Variants in ADAMTSL3 observed in about 807,000 individuals in gnomAD.
ADAMTSL3 encodes the protein ADAMTS-like protein 3.
ADAMTSL3 carries 128 observed loss-of-function variants against 201.7 expected under a neutral mutation model. The observed-to-expected ratio is 0.63, with a 90% CI of 0.55 to 0.73. The LOEUF is 0.73. Ranked by LOEUF, ADAMTSL3 falls within the 30% of genes least tolerant of loss-of-function variation. The pLI is 0.00. For missense variants in ADAMTSL3, 1,990 were observed against 2,119.6 expected, an observed-to-expected ratio of 0.94 and a Z score of 1.20; for synonymous variants, 738 against 748.4, an observed-to-expected ratio of 0.99 and a Z score of 0.23.
intron 19 of ADAMTSL3, among the ~76,000 whole-genome samples, chr15:83,965,724 A>G (rs1048528981): frequency 2.0e-4 from 30 of 152,236 alleles, no homozygotes; most frequent in African/African-American, 7.2e-4. Context: ...AATCAACAGA[A>G]TATACATTCT....
At chr15:83,852,987 G>A (rs542272885) in intron 7 of ADAMTSL3, among the ~76,000 whole-genome samples, 14 of 152,248 alleles carry the variant, frequency 9.2e-5, no homozygotes, top group African/African-American at 2.4e-4. Flanking sequence ...CTCCTGAGTA[G>A]CTGGGATTAC....
chr15:84,015,896 CT>C lies in ADAMTSL3; in HGVS notation c.4157-484del, dbSNP rs766089644. On this transcript the variant is annotated intron_variant, in intron 24 of 29. Transcript: ENST00000286744. ...TCCCCTCAAGCCAAGCAGCTCATGA[CT>C]TTGGTAACTTGATGGAGAGGTCAAA... Among the ~76,000 whole-genome samples, 3 of 152,198 alleles carry C rather than the reference CT, an allele frequency of 2.0e-5. No homozygotes were observed. The South Asian group carries it at 6.2e-4, about 31-fold the overall frequency.
At chr15:83,790,283 A>G (rs534600298) in intron 4 of ADAMTSL3, among the ~76,000 whole-genome samples, 148 of 148,598 alleles carry the variant, frequency 1.0e-3, no homozygotes, top group African/African-American at 3.6e-3. Context: ...TATATAAAGA[A>G]GAAAACAACA....
chr15:83,790,746 G>T (rs546207482), intron 4 of ADAMTSL3, among the ~76,000 whole-genome samples: 5 of 152,100 alleles, frequency 3.3e-5, no homozygotes, highest in Admixed American at 6.5e-5. Context: ...TTTTGTCTAC[G>T]TAGAAAATCC....
At chr15:84,021,313 C>A (rs1163306943) in intron 25 of ADAMTSL3, 97 bp from the exon 26 acceptor site, 1 of 1,391,900 alleles carries the variant, frequency 7.2e-7, no homozygotes, top group Non-Finnish European at 1.0e-6. Flanking sequence ...ACTTAAAGAA[C>A]CAAAAAACAT....
intron 28 of ADAMTSL3, among the ~76,000 whole-genome samples, chr15:84,035,766 G>C (rs747868890): frequency 2.0e-5 from 3 of 152,344 alleles, no homozygotes; most frequent in African/African-American, 4.8e-5. Context: ...AGGGAGAACA[G>C]GGAGCATGCA....
intron 2 of ADAMTSL3, among the ~76,000 whole-genome samples, chr15:83,662,968 C>T (rs757489578): frequency 1.3e-5 from 2 of 152,182 alleles, no homozygotes; most frequent in Non-Finnish European, 2.9e-5. Flanking sequence ...CCACAGGACA[C>T]TTCCTGCAGC....
At chr15:83,752,633 A>T (rs962717522) in intron 3 of ADAMTSL3, among the ~76,000 whole-genome samples, 11 of 152,204 alleles carry the variant, frequency 7.2e-5, no homozygotes, top group Admixed American at 7.2e-4. Context: ...GAAATTTCCT[A>T]TATTTGCAAT....
chr15:83,944,680 C>T (rs2066622536), intron 19 of ADAMTSL3, among the ~76,000 whole-genome samples: 1 of 152,176 alleles, frequency 6.6e-6, no homozygotes, highest in Non-Finnish European at 1.5e-5. Context: ...AATTATTACA[C>T]ATGTATACAC....
At chr15:83,985,970 T>C (rs1270621637) in intron 21 of ADAMTSL3, among the ~76,000 whole-genome samples, 4 of 152,062 alleles carry the variant, frequency 2.6e-5, no homozygotes, top group Non-Finnish European at 4.4e-5. Context: ...TTTTTTTTTT[T>C]CTGCAAGTAA....
chr15:83,670,458 G>A (rs1295157390), intron 2 of ADAMTSL3, among the ~76,000 whole-genome samples: 1 of 151,768 alleles, frequency 6.6e-6, no homozygotes, highest in African/African-American at 2.4e-5. Context: ...TTTTGACTGT[G>A]ACTCACAGGA....
intron 17 of ADAMTSL3, among the ~76,000 whole-genome samples, chr15:83,939,892 G>A (rs1364478618): frequency 6.6e-6 from 1 of 152,006 alleles, no homozygotes; most frequent in Non-Finnish European, 1.5e-5. Flanking sequence ...AAAGTGATGG[G>A]ATTACAGGCA....
At chr15:83,935,379 T>C (rs1211404228) in intron 17 of ADAMTSL3, among the ~76,000 whole-genome samples, 1 of 151,900 alleles carries the variant, frequency 6.6e-6, no homozygotes, top group Non-Finnish European at 1.5e-5. Context: ...TAAAAAATAA[T>C]GATATTAAAA....
At chr15:83,766,364 GA>G (rs2062890915) in intron 3 of ADAMTSL3, among the ~76,000 whole-genome samples, 1 of 152,224 alleles carries the variant, frequency 6.6e-6, no homozygotes, top group African/African-American at 2.4e-5. Flanking sequence ...GAAAATGAAC[GA>G]ATGCATGTGA....
chr15:84,037,865 T>A lies in ADAMTSL3; in HGVS notation c.*59T>A. The stretch of plus-strand genomic sequence containing the variant: ...TAAAAGTAGAATATAAAAGCTCTTT[T>A]CCCCATGTCGCTGATTCAAAAACAT... On this transcript the variant is annotated 3_prime_UTR_variant, in exon 30 of 30. Transcript: ENST00000286744. The A allele has an allele frequency of 6.5e-7, 1 of 1,546,462 alleles. No homozygotes were observed. The highest frequency in any genetic ancestry group is 8.7e-7 in the Non-Finnish European group (1 of 1,152,772).
At chr15:83,861,100 G>A (rs1226445652) in intron 8 of ADAMTSL3, among the ~76,000 whole-genome samples, 1 of 152,216 alleles carries the variant, frequency 6.6e-6, no homozygotes, top group Non-Finnish European at 1.5e-5. Context: ...AAACTGCAAG[G>A]TGGCAGCGAG....
chr15:84,004,223 T>C (rs7181132), intron 23 of ADAMTSL3, among the ~76,000 whole-genome samples: 4,218 of 152,306 alleles, frequency 0.028, 186 homozygotes, highest in African/African-American at 0.092. Context: ...TTTATTATTT[T>C]GGTTAATGTC....
At chr15:83,951,307 A>C (rs1005532404) in intron 19 of ADAMTSL3, among the ~76,000 whole-genome samples, 4 of 152,002 alleles carry the variant, frequency 2.6e-5, no homozygotes, top group Non-Finnish European at 1.5e-5. Context: ...TGTTGATATG[A>C]TGTATTACAT....
chr15:83,865,830 T>C (rs2064963108), intron 8 of ADAMTSL3, among the ~76,000 whole-genome samples: 1 of 152,120 alleles, frequency 6.6e-6, no homozygotes, highest in Non-Finnish European at 1.5e-5. Flanking sequence ...ACAGGCAACC[T>C]ACAGAATGGG....
Sources: allele counts gnomAD v4.1 joint callset (sites outside exome capture counted in the v4.1 genomes callset), GRCh38; gene constraint gnomAD v4.1.1; transcripts MANE v1.5; gene names NCBI Gene and HGNC (gene_info 2026-07-23, HGNC 2026-07-21).